The following SH3BGRL variants were observed in gnomAD, a reference collection of about 807,000 sequenced individuals.
SH3BGRL encodes the protein SH3 domain binding glutamate rich protein like.
SH3BGRL carries 7 observed loss-of-function variants against 9.8 expected under a neutral mutation model. The observed-to-expected ratio is 0.72, with a 90% CI of 0.41 to 1.35. The LOEUF (loss-of-function observed/expected upper bound fraction) is 1.35, where lower values mean the gene tolerates loss of function less well. SH3BGRL is among the 40% of genes most tolerant of loss of function. The probability of loss-of-function intolerance (pLI) is 0.01; values close to 1 mark genes in which losing one functional copy is unlikely to be tolerated. For synonymous variants in SH3BGRL, 36 were observed against 29.1 expected, an observed-to-expected ratio of 1.24 and a Z score of -0.76; for missense variants, 73 against 84.4, an observed-to-expected ratio of 0.86 and a Z score of 0.53.
At chrX:81,291,822 T>C (rs1373723730) in intron 3 of SH3BGRL, among the ~76,000 whole-genome samples, 1 of 112,160 alleles carries the variant, frequency 8.9e-6, no homozygotes, top group Non-Finnish European at 1.9e-5. Context: ...TTGCTCTATG[T>C]AAGACTGAAA....
At chrX:81,213,191 A>G (rs1339047535) in intron 1 of SH3BGRL, among the ~76,000 whole-genome samples, 1 of 111,853 alleles carries the variant, frequency 8.9e-6, no homozygotes, top group Non-Finnish European at 1.9e-5. Flanking sequence ...GATTGTCAGA[A>G]CATGGATTTC....
At chrX:81,252,272 A>G (rs1349814546) in intron 1 of SH3BGRL, among the ~76,000 whole-genome samples, 2 of 112,081 alleles carry the variant, frequency 1.8e-5, no homozygotes, top group African/African-American at 6.5e-5. Context: ...TATAATGGGC[A>G]GAATCCAATA....
chrX:81,223,203 C>T (rs1159410432), intron 1 of SH3BGRL, among the ~76,000 whole-genome samples: 1 of 111,717 alleles, frequency 9.0e-6, no homozygotes, highest in Non-Finnish European at 1.9e-5. Flanking sequence ...TCAATTTTGG[C>T]TTTTGTTGCC....
intron 1 of SH3BGRL, among the ~76,000 whole-genome samples, chrX:81,223,105 T>A (rs2075605447): frequency 9.0e-6 from 1 of 111,464 alleles, no homozygotes; most frequent in Non-Finnish European, 1.9e-5. Context: ...TTGCAAAAAT[T>A]TTCTCCCATT....
Position 81,297,258 on chromosome X carries a change from A to T in SH3BGRL, c.*31A>T. ...AAGCACTGTGCTTTAAGCATCCTGA[A>T]AAATGAGTCTCCATTGCTTTTATAA... On this transcript the variant is annotated 3_prime_UTR_variant, in exon 4 of 4. Transcript: ENST00000373212. The T allele has an allele frequency of 2.6e-6, 3 of 1,146,735 alleles. No individual in the cohort carries two copies. Among genetic ancestry groups the T allele is most frequent in the Non-Finnish European group, 2.4e-6 (2 of 841,525 alleles). The allele number at this position is 1,146,735 out of a possible 1,213,427, so 94.5% of individuals were successfully genotyped here.
intron 3 of SH3BGRL, among the ~76,000 whole-genome samples, chrX:81,295,274 A>G (rs2075870783): frequency 8.9e-6 from 1 of 111,820 alleles, no homozygotes; most frequent in Non-Finnish European, 1.9e-5. Flanking sequence ...TTTTATTTCT[A>G]TAATTTTCAC....
intron 1 of SH3BGRL, among the ~76,000 whole-genome samples, chrX:81,264,774 C>T (rs897510318): frequency 1.8e-5 from 2 of 110,211 alleles, no homozygotes; most frequent in East Asian, 2.9e-4. Context: ...TTTCAGGCAC[C>T]GAGAGTAGAA....
intron 1 of SH3BGRL, among the ~76,000 whole-genome samples, chrX:81,250,415 A>T (rs1401007704): frequency 3.6e-5 from 4 of 110,659 alleles, no homozygotes; most frequent in African/African-American, 1.3e-4. Context: ...TCAAAAAAAA[A>T]AAAAAATAAA....
intron 1 of SH3BGRL, among the ~76,000 whole-genome samples, chrX:81,250,867 C>T (rs1233072189): frequency 3.6e-5 from 4 of 111,706 alleles, no homozygotes; most frequent in African/African-American, 9.8e-5. Context: ...ACCTGGTCCC[C>T]GTGTTGGATG....
chrX:81,247,380 T>C (rs771892816), intron 1 of SH3BGRL, among the ~76,000 whole-genome samples: 18 of 112,042 alleles, frequency 1.6e-4, no homozygotes, highest in Non-Finnish European at 3.2e-4. Context: ...CCTTGTCTTA[T>C]TGCAGTTTTC....
Position 81,211,361 on chromosome X carries a change from G to A in SH3BGRL, c.45+9116G>A, listed in dbSNP as rs749862493. On this transcript the variant is annotated intron_variant, in intron 1 of 3. Transcript: ENST00000373212. Reference sequence around the variant, plus strand: ...GCACTTTGTGGGGGCCGAGGCGGGCGGATCACGAGGTCAGGAGATCAAGAC... The same window carrying A: ...GCACTTTGTGGGGGCCGAGGCGGGCAGATCACGAGGTCAGGAGATCAAGAC... 2.6e-3 allele frequency among the ~76,000 whole-genome samples: 287 copies of A among 111,511 alleles called. 1 individual carries two copies. The highest frequency in any genetic ancestry group is 0.019 in the Middle Eastern group (4 of 216).
intron 1 of SH3BGRL, among the ~76,000 whole-genome samples, chrX:81,224,767 A>G (rs942637937): frequency 9.0e-6 from 1 of 111,642 alleles, no homozygotes; most frequent in Non-Finnish European, 1.9e-5. Context: ...ATTTTTGGAT[A>G]TGGTATAATA....
intron 1 of SH3BGRL, among the ~76,000 whole-genome samples, chrX:81,231,952 G>A (rs1158590689): frequency 9.0e-6 from 1 of 111,141 alleles, no homozygotes; most frequent in Non-Finnish European, 1.9e-5. Context: ...GTTTTTATGT[G>A]TTTCTCTCTA....
At chrX:81,213,252 G>A (rs1420219591) in intron 1 of SH3BGRL, among the ~76,000 whole-genome samples, 1 of 110,603 alleles carries the variant, frequency 9.0e-6, no homozygotes, top group African/African-American at 3.3e-5. Flanking sequence ...CAGTGATTGA[G>A]GTAATCATGA....
At chrX:81,219,211 G>A (rs1569357886) in intron 1 of SH3BGRL, among the ~76,000 whole-genome samples, 1 of 109,513 alleles carries the variant, frequency 9.1e-6, no homozygotes, top group Non-Finnish European at 1.9e-5. Context: ...GAGCTGTGAG[G>A]CAAAAGCATC....
chrX:81,287,862 C>A (rs934502918), intron 3 of SH3BGRL, among the ~76,000 whole-genome samples: 1 of 108,041 alleles, frequency 9.3e-6, no homozygotes, highest in Non-Finnish European at 1.9e-5. Flanking sequence ...AGAGGAGGAA[C>A]GAATAGTTCC....
chrX:81,238,042 A>G (rs1288410740), intron 1 of SH3BGRL, among the ~76,000 whole-genome samples: 4 of 109,298 alleles, frequency 3.7e-5, no homozygotes, highest in Admixed American at 9.8e-5. Context: ...GGCAGCATCC[A>G]TCATTTGCTA....
rs1449115752 is a variant in SH3BGRL, at chrX:81,297,986, CAAGT to C, written c.*763_*766del. On this transcript the variant is annotated 3_prime_UTR_variant, in exon 4 of 4. Coordinates refer to ENST00000373212, the MANE Select transcript of SH3BGRL (RefSeq NM_003022.3). ...TATGTATATCATGAAAGTGGGATGC[CAAGT>C]AAGCTTAAAATGGCATTCTCTAGCA... is the stretch of plus-strand genomic sequence containing the variant. 1 of 111,680 alleles carries C rather than the reference CAAGT, an allele frequency of 9.0e-6. No individual in the cohort carries two copies. Among genetic ancestry groups the C allele is most frequent in the Non-Finnish European group, 1.9e-5 (1 of 52,906 alleles). 9.2% of individuals were successfully genotyped at this position (111,680 alleles called of 1,213,427 possible).
At chrX:81,243,206 C>T (rs1434371283) in intron 1 of SH3BGRL, among the ~76,000 whole-genome samples, 6 of 112,064 alleles carry the variant, frequency 5.4e-5, no homozygotes. Flanking sequence ...ACTATTCAGT[C>T]ATAAAAATGA....
Sources: gnomAD v4.1 joint callset for allele counts (sites outside exome capture counted in the v4.1 genomes callset) on GRCh38, gnomAD v4.1.1 for gene constraint, MANE v1.5 for transcripts, NCBI Gene and HGNC (gene_info 2026-07-23, HGNC 2026-07-21) for gene names.